TUBA3C: variants seen among roughly 807,000 people sequenced by gnomAD.
TUBA3C encodes the protein tubulin alpha-3C chain.
Under a neutral mutation model 33.4 loss-of-function variants are expected in TUBA3C, and 23 were observed. The ratio of observed to expected loss-of-function variants is 0.69; its 90% CI spans 0.50 to 0.98. The LOEUF (loss-of-function observed/expected upper bound fraction) is 0.98. Ranked by LOEUF, TUBA3C falls within the 50% of genes least tolerant of loss-of-function variation. The probability of loss-of-function intolerance (pLI) is 0.00; values close to 1 mark genes in which losing one functional copy is unlikely to be tolerated. For synonymous variants in TUBA3C, 269 were observed against 250.4 expected (o/e 1.07, Z -0.70); for missense variants, 402 against 616.0 (o/e 0.65, Z 3.68).
At chr13:19,180,014 C>T (rs1191351070) in intron 1 of TUBA3C, among the ~76,000 whole-genome samples, 6 of 151,446 alleles carry the variant, frequency 4.0e-5, no homozygotes, top group African/African-American at 7.3e-5. Context: ...TGTCCTCTCT[C>T]TGCACCCCCA....
At chr13:19,175,168 C>T (rs9507563) in intron 4 of TUBA3C, among the ~76,000 whole-genome samples, 6,310 of 152,244 alleles carry the variant, frequency 0.041, 159 homozygotes, top group Middle Eastern at 0.068. Flanking sequence ...GGGAGAATGG[C>T]ATGAACCCAG....
At chr13:19,179,704 G>A in intron 1 of TUBA3C, 141 bp from the exon 2 acceptor site, 2 of 1,260,158 alleles carry the variant, frequency 1.6e-6, no homozygotes, top group Non-Finnish European at 2.1e-6. Context: ...AGGAGGGTTA[G>A]GTGACTGACC....
Position 19,177,325 on chromosome 13 carries a change from C to T in TUBA3C, c.658G>A (p.Glu220Lys). Residue 220 changes from glutamate to lysine, a missense_variant, in exon 4 of 5, where the codon GAG (glutamate) becomes AAG (lysine). By Grantham distance (56) the Glu-to-Lys change is moderately conservative. Transcript: ENST00000400113. The surrounding 1 kb of genome is among the most constrained non-coding windows in gnomAD (Gnocchi z 5.0). ...YDICRRNLDI[E>K]RPTYTNLNRL... ...TTGAGGTTGGTGTACGTGGGACGCT[C>T]GATGTCCAGGTTGCGCCGACATATG... The T allele has an allele frequency of 1.2e-6, 2 of 1,614,106 alleles. No individual in the cohort carries two copies. Among genetic ancestry groups the T allele is most frequent in the Non-Finnish European group, 1.7e-6 (2 of 1,180,034 alleles).
chr13:19,180,017 C>T (rs1044932838), intron 1 of TUBA3C, among the ~76,000 whole-genome samples: 2 of 151,376 alleles, frequency 1.3e-5, no homozygotes, highest in African/African-American at 4.9e-5. Flanking sequence ...CCTCTCTCTG[C>T]ACCCCCAGAT....
At chr13:19,181,077 G>C (rs1464802457) in intron 1 of TUBA3C, among the ~76,000 whole-genome samples, 2 of 149,676 alleles carry the variant, frequency 1.3e-5, no homozygotes, top group African/African-American at 4.9e-5. Flanking sequence ...TTTTGAGGCA[G>C]GGTCTCTCTC....
Position 19,181,771 on chromosome 13 carries a change from C to G in TUBA3C, c.-24G>C. 1 of 1,601,816 alleles carries G rather than the reference C, an allele frequency of 6.2e-7. No homozygotes were observed. The highest frequency in any genetic ancestry group is 8.5e-7 in the Non-Finnish European group (1 of 1,179,438). Reference sequence around the variant, plus strand: ...ATGTTGAGCTCCTCCGCTGCCGCAGCCCAACGCTACTACTTGACCTCAACC... The same window carrying G: ...ATGTTGAGCTCCTCCGCTGCCGCAGGCCAACGCTACTACTTGACCTCAACC... On this transcript the variant is annotated 5_prime_UTR_variant, in exon 1 of 5. Coordinates refer to ENST00000400113, the MANE Select transcript of TUBA3C (RefSeq NM_006001.3).
intron 4 of TUBA3C, among the ~76,000 whole-genome samples, chr13:19,176,059 G>A (rs1869168843): frequency 6.6e-6 from 1 of 152,134 alleles, no homozygotes; most frequent in South Asian, 2.1e-4. Context: ...TGTATTTTTA[G>A]TGGAGAGCTG....
chr13:19,176,756 A>AAAAAAAAAAAC (rs1869196414), intron 4 of TUBA3C, among the ~76,000 whole-genome samples, 171 bp downstream of exon 4: 1 of 144,648 alleles, frequency 6.9e-6, no homozygotes, highest in Non-Finnish European at 1.5e-5. Context: ...AAAAAAAAAA[A>AAAAAAAAAAAC]AAAGACATCA....
intron 3 of TUBA3C, among the ~76,000 whole-genome samples, 184 bp downstream of exon 3, chr13:19,178,062 G>T (rs36215755): frequency 6.6e-6 from 1 of 152,108 alleles, no homozygotes; most frequent in African/African-American, 2.4e-5. Context: ...GGCCAGGCTG[G>T]TCTCAAACTC....
intron 3 of TUBA3C, 125 bp downstream of exon 3, chr13:19,178,121 C>T: frequency 3.4e-6 from 5 of 1,451,010 alleles, no homozygotes; most frequent in Non-Finnish European, 4.7e-6. Flanking sequence ...GTTGGGATTA[C>T]AGGCGTGAGC....
In TUBA3C at chr13:19,181,258, C is replaced by G. The variant is rs36214442; in HGVS notation, c.3+487G>C. Among the ~76,000 whole-genome samples the G allele has an allele frequency of 2.9e-3, 437 of 152,084 alleles. 3 individuals are homozygous for G. The highest frequency in any genetic ancestry group is 0.01 in the African/African-American group (417 of 41,544). On this transcript the variant is annotated intron_variant, in intron 1 of 4. Coordinates refer to ENST00000400113, the MANE Select transcript of TUBA3C (RefSeq NM_006001.3). ...TAGAGAAGGGATTTCGCCATATTGG[C>G]CAGGCTAGTGAGGAGCCCCTGACCT...
In TUBA3C at chr13:19,177,940, G is replaced by A. The variant is rs1019993842; in HGVS notation, c.375+306C>T. On this transcript the variant is annotated intron_variant, in intron 3 of 4. Coordinates refer to ENST00000400113, the MANE Select transcript of TUBA3C (RefSeq NM_006001.3). This position sits in a 1 kb window ranked among gnomAD's most constrained non-coding sequence, Gnocchi z 5.0. The stretch of plus-strand genomic sequence containing the variant: ...CCGCTCAGTGCAACCTCTGCCTCCC[G>A]GGCTCAAGCCATTCTCCTGCCTCAG... 9.3e-5 allele frequency among the ~76,000 whole-genome samples: 14 copies of A among 149,736 alleles called. 1 individual carries two copies. The highest frequency in any genetic ancestry group is 8.8e-4 in the South Asian group (4 of 4,542).
chr13:19,181,560 T>C (rs1869418346), intron 1 of TUBA3C, among the ~76,000 whole-genome samples, 185 bp downstream of exon 1: 1 of 152,190 alleles, frequency 6.6e-6, no homozygotes, highest in Non-Finnish European at 1.5e-5. Flanking sequence ...ATCCCTGCCC[T>C]GGAGCCCGCA....
At chr13:19,175,504 G>A (rs144303772) in intron 4 of TUBA3C, among the ~76,000 whole-genome samples, 57 of 152,226 alleles carry the variant, frequency 3.7e-4, no homozygotes, top group African/African-American at 1.3e-3. Context: ...GACCCCCACC[G>A]TCTCTGTTGG....
In TUBA3C at chr13:19,179,470, C is replaced by A. The variant is rs370998331; in HGVS notation, c.97G>T (p.Asp33Tyr). 1 of 1,614,024 alleles carries A rather than the reference C, an allele frequency of 6.2e-7. No individual in the cohort carries two copies. Among genetic ancestry groups the A allele is most frequent in the African/African-American group, 1.3e-5 (1 of 74,932 alleles). The change falls in exon 2 of 5, where the codon GAT (aspartate) becomes TAT (tyrosine). Residue 33 changes from aspartate to tyrosine, a missense_variant. Asp to Tyr is a radical substitution (Grantham distance 160, BLOSUM62 -3). Transcript: ENST00000400113. ...GTTTTATCACTTGGCATCTGACCAT[C>A]GGGCTGAATTCCATGTTCCAGGCAG... is the stretch of plus-strand genomic sequence containing the variant. ...LYCLEHGIQP[D>Y]GQMPSDKTIG...
chr13:19,175,157 C>A (rs1020929452), intron 4 of TUBA3C, among the ~76,000 whole-genome samples: 2 of 152,016 alleles, frequency 1.3e-5, no homozygotes, highest in African/African-American at 4.8e-5. Flanking sequence ...GAGGCTGAGG[C>A]GGGAGAATGG....
At chr13:19,178,568 G>T (rs1323503203) in intron 2 of TUBA3C, among the ~76,000 whole-genome samples, 174 bp from the exon 3 acceptor site, 1 of 152,172 alleles carries the variant, frequency 6.6e-6, no homozygotes, top group East Asian at 1.9e-4. Flanking sequence ...GATAACCAAA[G>T]TGCAAATGTG....
At chr13:19,178,564 C>G (rs1377924969) in intron 2 of TUBA3C, among the ~76,000 whole-genome samples, 170 bp from the exon 3 acceptor site, 1 of 152,092 alleles carries the variant, frequency 6.6e-6, no homozygotes, top group Non-Finnish European at 1.5e-5. Context: ...GTGTGATAAC[C>G]AAAGTGCAAA....
Position 19,180,717 on chromosome 13 carries a change from G to C in TUBA3C, c.3+1028C>G, listed in dbSNP as rs144152814. ...TCACCGTGTTAGCCAGGATGGTCTC[G>C]ATCTCCTGACCTTTTGATATGCCCG... On this transcript the variant is annotated intron_variant, in intron 1 of 4. Coordinates refer to ENST00000400113, the MANE Select transcript of TUBA3C (RefSeq NM_006001.3). Among the ~76,000 whole-genome samples the C allele has an allele frequency of 2.5e-3, 379 of 151,878 alleles. 1 individual carries two copies. Among genetic ancestry groups the C allele is most frequent in the African/African-American group, 7.9e-3 (327 of 41,448 alleles).
Sources: gnomAD v4.1 joint callset for allele counts (sites outside exome capture counted in the v4.1 genomes callset) on GRCh38, gnomAD v4.1.1 for gene constraint, Gnocchi (gnomAD v3.1) non-coding constraint, MANE v1.5 for transcripts, NCBI Gene and HGNC (gene_info 2026-07-23, HGNC 2026-07-21) for gene names.